Variants in CLTC observed in about 807,000 individuals in gnomAD.
CLTC encodes the protein clathrin heavy chain.
A neutral mutation model predicts 195.8 loss-of-function variants in CLTC; 16 were observed. The ratio of observed to expected loss-of-function variants is 0.08; its 90% confidence interval spans 0.06 to 0.12. The LOEUF is 0.12. Among genes scored for constraint, CLTC ranks in the 10% least tolerant of loss-of-function variants. CLTC has a pLI of 1.00. For missense variants in CLTC, 796 were observed against 2,027.0 expected, an observed-to-expected ratio of 0.39 and a Z score of 11.66; for synonymous variants, 667 against 689.4, an observed-to-expected ratio of 0.97 and a Z score of 0.51.
Position 59,696,053 on chromosome 17 carries a change from G to A in CLTC, c.*2201G>A, listed in dbSNP as rs2033415890. On this transcript the variant is annotated 3_prime_UTR_variant, in exon 32 of 32. Coordinates refer to ENST00000269122, the MANE Select transcript of CLTC (RefSeq NM_004859.4). Reference sequence around the variant, plus strand: ...TTACTTAGCCACCCCATGCCATCCTGTTGGGAATGCCACTACCTTTGAATT... The same window carrying A: ...TTACTTAGCCACCCCATGCCATCCTATTGGGAATGCCACTACCTTTGAATT... 4.7e-6 allele frequency: 1 copy of A among 210,644 alleles called. No individual in the cohort carries two copies. The highest frequency in any genetic ancestry group is 9.6e-6 in the Non-Finnish European group (1 of 103,942). The allele number at this position is 210,644 out of a possible 1,614,324, so 13.0% of individuals were successfully genotyped here.
rs1361995364 is a variant in CLTC at position 59,694,813 on chromosome 17, A to G, written c.*961A>G. 4.4e-6 allele frequency: 1 copy of G among 226,602 alleles called. No homozygotes were observed. The highest frequency in any genetic ancestry group is 8.8e-6 in the Non-Finnish European group (1 of 113,982). 14.0% of individuals were successfully genotyped at this position (226,602 alleles called of 1,614,324 possible). On this transcript the variant is annotated 3_prime_UTR_variant, in exon 32 of 32. Transcript: ENST00000269122. ...ATTAAATACCACTCAAACGAAAAGA[A>G]CAGTAGTTTTTGTAGTTTTATATTG...
chr17:59,648,122 C>T lies in CLTC; in HGVS notation c.520-118C>T. ...AAATCTACAGTGAGAGATGAAGTGA[C>T]AAATAATTATAAATCCTGCTAAAGA... On this transcript the variant is annotated intron_variant, in intron 3 of 31. Transcript: ENST00000269122. This position sits in a 1 kb window ranked among gnomAD's most constrained non-coding sequence, Gnocchi z 4.5. 1 of 1,003,862 alleles carries T rather than the reference C, an allele frequency of 1.0e-6. No homozygotes were observed. The highest frequency in any genetic ancestry group is 2.5e-5 in the East Asian group (1 of 40,600). 62.2% of individuals were successfully genotyped at this position (1,003,862 alleles called of 1,614,324 possible).
intron 15 of CLTC, 24 bp from the exon 16 acceptor site, chr17:59,674,677 T>C (rs773959335): frequency 6.3e-7 from 1 of 1,592,778 alleles, no homozygotes; most frequent in African/African-American, 1.4e-5. Context: ...ATAATAACAT[T>C]CTTCTACTTC....
chr17:59,694,218 T>G lies in CLTC; in HGVS notation c.*366T>G, dbSNP rs1450180649. ...CTAATATTGAATCTCTTAAATTTAG[T>G]GTATGTAAACAGCTTACAAATACGT... On this transcript the variant is annotated 3_prime_UTR_variant, in exon 32 of 32. Transcript: ENST00000269122. 1 of 224,260 alleles carries G rather than the reference T, an allele frequency of 4.5e-6. No homozygotes were observed. Among genetic ancestry groups the G allele is most frequent in the Non-Finnish European group, 8.9e-6 (1 of 112,536 alleles). 13.9% of individuals were successfully genotyped at this position (224,260 alleles called of 1,614,324 possible). A position where few individuals can be genotyped will look rare whatever the true frequency, so the allele number is the denominator to read the frequency against.
chr17:59,644,565 TTTGAGACGGA>T (rs1362101535), intron 2 of CLTC, 82 bp downstream of exon 2: 27 of 1,223,504 alleles, frequency 2.2e-5, no homozygotes, highest in Non-Finnish European at 2.8e-5. Context: ...TTTGTTTGTT[TTTGAGACGGA>T]GTTTTACTCT....
chr17:59,686,454 G>A (rs539641699), intron 30 of CLTC, among the ~76,000 whole-genome samples: 12 of 151,934 alleles, frequency 7.9e-5, no homozygotes, highest in Non-Finnish European at 1.5e-4. Flanking sequence ...GATCCTTTTC[G>A]TCAAAGCAAA....
At chr17:59,689,941 C>G (rs1268188403) in intron 30 of CLTC, 2 of 152,346 alleles carry the variant, frequency 1.3e-5, no homozygotes, top group African/African-American at 4.8e-5. Flanking sequence ...TACAGAATTA[C>G]TTCTGTCTGA....
Position 59,695,844 on chromosome 17 carries a change from ATAAT to A in CLTC, c.*1993_*1996del, listed in dbSNP as rs1406856232. On this transcript the variant is annotated 3_prime_UTR_variant, in exon 32 of 32. Transcript: ENST00000269122. ...AAATATCAACACAGAGAAAAAAAAA[ATAAT>A]AATAGTATTATGAAAACATTGACTC... is the stretch of plus-strand genomic sequence containing the variant. 1 of 8,338 alleles carries A rather than the reference ATAAT, an allele frequency of 1.2e-4. No individual in the cohort carries two copies. The highest frequency in any genetic ancestry group is 2.9e-4 in the Non-Finnish European group (1 of 3,410). 0.5% of individuals were successfully genotyped at this position (8,338 alleles called of 1,614,324 possible).
intron 1 of CLTC, among the ~76,000 whole-genome samples, chr17:59,632,318 A>G (rs1232357555): frequency 6.6e-6 from 1 of 150,948 alleles, no homozygotes; most frequent in Non-Finnish European, 1.5e-5. Flanking sequence ...CAGTGAGCCA[A>G]GATAGCTCCA....
Position 59,664,779 on chromosome 17 carries a change from G to C in CLTC, c.1522-8G>C, listed in dbSNP as rs377049407. 1.3e-4 allele frequency: 202 copies of C among 1,613,068 alleles called. No homozygotes were observed. In the African/African-American group the frequency reaches 2.5e-3, roughly 20 times the overall value. The stretch of plus-strand genomic sequence containing the variant: ...AGGAGCAGCGTTTAAGTCTTTGTTT[G>C]TTTATAGGTTGGATACACTCCAGAT... On this transcript the variant is annotated splice_region_variant and splice_polypyrimidine_tract_variant and intron_variant, in intron 9 of 31. Transcript: ENST00000269122.
At chr17:59,660,290 C>G (rs933249832) in intron 6 of CLTC, 101 bp from the exon 7 acceptor site, 52 of 974,192 alleles carry the variant, frequency 5.3e-5, no homozygotes, top group Non-Finnish European at 8.0e-5. Context: ...GTCACAATTT[C>G]ATTACCTTTG....
chr17:59,683,351 A>G lies in CLTC; in HGVS notation c.4042-36A>G. 1 of 1,603,360 alleles carries G rather than the reference A, an allele frequency of 6.2e-7. No homozygotes were observed. Among genetic ancestry groups the G allele is most frequent in the South Asian group, 1.1e-5 (1 of 89,956 alleles). The stretch of plus-strand genomic sequence containing the variant: ...TATTCTTTTTAAGGCTGTTAGCTAG[A>G]CTCATATCTAAAGCAATTAAGTCTT... On this transcript the variant is annotated intron_variant, in intron 25 of 31. Transcript: ENST00000269122. This position sits in a 1 kb window ranked among gnomAD's most constrained non-coding sequence, Gnocchi z 6.1.
chr17:59,653,010 A>G lies in CLTC; in HGVS notation c.795+1694A>G, dbSNP rs8069455. ...TGTTATAGAGATGGTTTATTTGCTT[A>G]AACCTCATGAATCAACTTATGCTAC... On this transcript the variant is annotated intron_variant, in intron 5 of 31. Transcript: ENST00000269122. Among the ~76,000 whole-genome samples the G allele has an allele frequency of 4.3e-3, 649 of 152,234 alleles. 2 individuals are homozygous for G. Among genetic ancestry groups the G allele is most frequent in the African/African-American group, 0.015 (619 of 41,536 alleles).
intron 14 of CLTC, among the ~76,000 whole-genome samples, chr17:59,671,430 CATAAGAAAAA>C (rs2032845176): frequency 6.6e-6 from 1 of 152,160 alleles, no homozygotes; most frequent in East Asian, 1.9e-4. Context: ...AACCCTGTGT[CATAAGAAAAA>C]TACCCTGACT....
intron 1 of CLTC, among the ~76,000 whole-genome samples, chr17:59,642,332 A>G (rs2032062178): frequency 6.6e-6 from 1 of 152,226 alleles, no homozygotes; most frequent in Non-Finnish European, 1.5e-5. Context: ...GACTTCCTCA[A>G]ACACTGTGGG....
intron 14 of CLTC, among the ~76,000 whole-genome samples, chr17:59,673,247 A>G (rs1567963060): frequency 6.6e-6 from 1 of 152,152 alleles, no homozygotes; most frequent in Non-Finnish European, 1.5e-5. Context: ...GTTTGAAACA[A>G]ATGTAAGCCA....
chr17:59,681,188 CT>C lies in CLTC; in HGVS notation c.3066-106del, dbSNP rs1160733675. The C allele has an allele frequency of 2.5e-5, 36 of 1,441,496 alleles. No individual in the cohort carries two copies. The highest frequency in any genetic ancestry group is 1.0e-4 in the African/African-American group (7 of 70,272). The allele number at this position is 1,441,496 out of a possible 1,614,324, so 89.3% of individuals were successfully genotyped here. A position where few individuals can be genotyped will look rare whatever the true frequency, so the allele number is the denominator to read the frequency against. On this transcript the variant is annotated intron_variant, in intron 19 of 31. Coordinates refer to ENST00000269122, the MANE Select transcript of CLTC (RefSeq NM_004859.4). The surrounding 1 kb of genome is among the most constrained non-coding windows in gnomAD (Gnocchi z 5.0). ...TCTCACTCTTCTAATATCCTCCCCC[CT>C]ACCCTACCTCTTGAGACAAAAACCT...
chr17:59,660,243 C>T, intron 6 of CLTC, 148 bp from the exon 7 acceptor site: 1 of 694,906 alleles, frequency 1.4e-6, no homozygotes, highest in Middle Eastern at 4.1e-4. Context: ...TGTCTTCCTT[C>T]CTTTCATTAT....
chr17:59,689,035 A>G (rs969485946), intron 30 of CLTC: 1 of 152,200 alleles, frequency 6.6e-6, no homozygotes, highest in African/African-American at 2.4e-5. Context: ...CAAAAAATGG[A>G]CATTTCATAT....
Sources: gnomAD v4.1 joint callset for allele counts (sites outside exome capture counted in the v4.1 genomes callset) on GRCh38, gnomAD v4.1.1 for gene constraint, Gnocchi (gnomAD v3.1) non-coding constraint, MANE v1.5 for transcripts, NCBI Gene and HGNC (gene_info 2026-07-23, HGNC 2026-07-21) for gene names.